The following NT5C2 variants were observed in gnomAD, a reference collection of about 807,000 sequenced individuals.
The protein encoded by NT5C2 is 5'-nucleotidase, cytosolic II.
A neutral mutation model predicts 76.1 loss-of-function variants in NT5C2; 58 were observed. The ratio of observed to expected loss-of-function variants is 0.76; its 90% CI spans 0.62 to 0.95. The LOEUF (loss-of-function observed/expected upper bound fraction) is 0.95, where lower values mean the gene tolerates loss of function less well. NT5C2 is among the 40% of genes least tolerant of loss of function. NT5C2 has a pLI of 0.00. For synonymous variants in NT5C2, 229 were observed against 237.4 expected, an observed-to-expected ratio of 0.96 and a Z score of 0.32; for missense variants, 478 against 690.3, an observed-to-expected ratio of 0.69 and a Z score of 3.45.
intron 3 of NT5C2, chr10:103,145,958 C>A (rs2081404401): frequency 1.8e-6 from 1 of 554,106 alleles, no homozygotes; most frequent in Admixed American, 6.4e-5. Context: ...CATGAACATG[C>A]AATTTATTAA....
At chr10:103,094,229 AAG>A (rs890096761) in intron 13 of NT5C2, 117 bp downstream of exon 13, 4 of 763,098 alleles carry the variant, frequency 5.2e-6, no homozygotes, top group East Asian at 2.7e-5. Context: ...TTAATTTCAA[AAG>A]AGAGATACGG....
chr10:103,118,017 A>T (rs2074774206), intron 4 of NT5C2, among the ~76,000 whole-genome samples: 1 of 152,258 alleles, frequency 6.6e-6, no homozygotes, highest in Non-Finnish European at 1.5e-5. Flanking sequence ...ATATTGGAGT[A>T]AGTTTTCCTT....
At chr10:103,151,936 A>C (rs1488514291) in intron 3 of NT5C2, among the ~76,000 whole-genome samples, 1 of 152,184 alleles carries the variant, frequency 6.6e-6, no homozygotes, top group Non-Finnish European at 1.5e-5. Context: ...TAAACCTAAA[A>C]AAAAAATCTG....
chr10:103,154,959 CT>C (rs1217604355), intron 3 of NT5C2, among the ~76,000 whole-genome samples: 1 of 152,136 alleles, frequency 6.6e-6, no homozygotes, highest in South Asian at 2.1e-4. Context: ...TATTTTAAGA[CT>C]TTACTATTGG....
chr10:103,146,146 ACT>A, intron 3 of NT5C2: 1 of 985,420 alleles, frequency 1.0e-6, no homozygotes, highest in South Asian at 4.7e-5. Flanking sequence ...TTGTGACTTA[ACT>A]TCAAGAAGTT....
At chr10:103,151,762 A>C (rs1209347769) in intron 3 of NT5C2, among the ~76,000 whole-genome samples, 1 of 152,204 alleles carries the variant, frequency 6.6e-6, no homozygotes, top group Non-Finnish European at 1.5e-5. Context: ...AAAACGGTGA[A>C]TGTAAGAATT....
chr10:103,137,758 G>C (rs2079570309), intron 4 of NT5C2, among the ~76,000 whole-genome samples: 1 of 152,054 alleles, frequency 6.6e-6, no homozygotes, highest in African/African-American at 2.4e-5. Context: ...TAAATTAAAT[G>C]CATTTCCACG....
At chr10:103,129,333 G>A (rs1303394692) in intron 4 of NT5C2, among the ~76,000 whole-genome samples, 6 of 109,556 alleles carry the variant, frequency 5.5e-5, no homozygotes, top group East Asian at 3.3e-4. Flanking sequence ...CAGCCGCCCC[G>A]TCCGGGAGGG....
Position 103,142,483 on chromosome 10 carries a change from C to G in NT5C2, c.102-3004G>C, listed in dbSNP as rs189163092. On this transcript the variant is annotated intron_variant, in intron 3 of 18. Transcript: ENST00000404739. ...CACAGGAGTTCGAAACCAGCCTAGG[C>G]AACATGGCAAAACCCCGTCTCCACA... Among the ~76,000 whole-genome samples the G allele has an allele frequency of 4.9e-4, 75 of 152,032 alleles. 1 individual carries two copies. Among genetic ancestry groups the G allele is most frequent in the African/African-American group, 1.8e-3 (73 of 41,452 alleles).
chr10:103,190,873 AT>A (rs2092584078), intron 1 of NT5C2, among the ~76,000 whole-genome samples: 2 of 152,346 alleles, frequency 1.3e-5, no homozygotes, highest in East Asian at 3.9e-4. Context: ...ATTAGAGAGC[AT>A]CTACTAATGA....
At chr10:103,132,699 G>A (rs560630236) in intron 4 of NT5C2, among the ~76,000 whole-genome samples, 2 of 151,930 alleles carry the variant, frequency 1.3e-5, no homozygotes, top group African/African-American at 2.4e-5. Context: ...ACAGGCGCCC[G>A]CCACCACGCC....
intron 3 of NT5C2, among the ~76,000 whole-genome samples, chr10:103,158,685 C>T (rs1415895325): frequency 3.3e-5 from 5 of 151,750 alleles, no homozygotes; most frequent in African/African-American, 4.8e-5. Context: ...AGCATGGTGG[C>T]GGGCACTTGT....
chr10:103,097,164 C>T (rs1313143701), intron 11 of NT5C2, 127 bp downstream of exon 11: 14 of 690,874 alleles, frequency 2.0e-5, no homozygotes, highest in Non-Finnish European at 2.8e-5. Context: ...TGCCTTTTTA[C>T]TCTTTGAAAA....
chr10:103,134,214 A>G (rs968890488), intron 4 of NT5C2, among the ~76,000 whole-genome samples: 5 of 152,144 alleles, frequency 3.3e-5, no homozygotes, highest in Admixed American at 6.5e-5. Flanking sequence ...CAATGGGGAA[A>G]ATGTCTCCAG....
chr10:103,188,138 C>T (rs1035398178), intron 1 of NT5C2, among the ~76,000 whole-genome samples: 3 of 152,110 alleles, frequency 2.0e-5, no homozygotes, highest in African/African-American at 4.8e-5. Context: ...AGGTGGATCA[C>T]GAGGTCAGGA....
intron 12 of NT5C2, 117 bp from the exon 13 acceptor site, chr10:103,094,572 C>T (rs928241973): frequency 1.4e-5 from 9 of 659,178 alleles, no homozygotes; most frequent in African/African-American, 1.3e-4. Context: ...GAAGATCCCA[C>T]TATTTTATTT....
At chr10:103,153,642 GAAAAAGCAA>G (rs2082791189) in intron 3 of NT5C2, 1 of 985,322 alleles carries the variant, frequency 1.0e-6, no homozygotes, top group Non-Finnish European at 1.2e-6. Context: ...GGCAAACACA[GAAAAAGCAA>G]ATTTACCCCC....
At chr10:103,129,056 T>C (rs1191319078) in intron 4 of NT5C2, among the ~76,000 whole-genome samples, 3 of 98,030 alleles carry the variant, frequency 3.1e-5, no homozygotes, top group African/African-American at 7.8e-5. Flanking sequence ...CGGCCAGCCG[T>C]GCCATCCGGG....
intron 8 of NT5C2, chr10:103,100,675 GCTC>G: frequency 2.1e-6 from 1 of 481,638 alleles, no homozygotes; most frequent in Non-Finnish European, 4.1e-6. Context: ...TCCCTGAATG[GCTC>G]CTGGGTAGCT....
Sources: gnomAD v4.1 joint callset for allele counts (sites outside exome capture counted in the v4.1 genomes callset) on GRCh38, gnomAD v4.1.1 for gene constraint, MANE v1.5 for transcripts, NCBI Gene and HGNC (gene_info 2026-07-23, HGNC 2026-07-21) for gene names.